ZBTB20: variants seen among roughly 807,000 people sequenced by gnomAD.
ZBTB20 encodes the protein zinc finger and BTB domain containing 20.
Under a neutral mutation model 56.9 loss-of-function variants are expected in ZBTB20, and 9 were observed. The observed-to-expected ratio is 0.16, with a 90% confidence interval of 0.10 to 0.28. The LOEUF (loss-of-function observed/expected upper bound fraction) is 0.28. Ranked by LOEUF, ZBTB20 falls within the 10% of genes least tolerant of loss-of-function variation. The pLI is 1.00. For synonymous variants in ZBTB20, 417 were observed against 420.7 expected (o/e 0.99, Z 0.11); for missense variants, 655 against 1,003.0 (o/e 0.65, Z 4.69).
intron 2 of ZBTB20, among the ~76,000 whole-genome samples, chr3:114,989,178 T>C (rs1333376290): frequency 1.3e-5 from 2 of 152,210 alleles, no homozygotes; most frequent in South Asian, 4.1e-4. Context: ...TCCTTGCCCA[T>C]GCCTATGTCC....
intron 3 of ZBTB20, among the ~76,000 whole-genome samples, chr3:114,950,817 T>C: frequency 6.6e-6 from 1 of 152,128 alleles, no homozygotes; most frequent in East Asian, 1.9e-4. Flanking sequence ...AGAATTGTGA[T>C]TATATTAATA....
At chr3:114,901,581 T>C (rs944407991) in intron 3 of ZBTB20, among the ~76,000 whole-genome samples, 5 of 152,104 alleles carry the variant, frequency 3.3e-5, no homozygotes, top group Non-Finnish European at 7.4e-5. Context: ...CAGAAATTTA[T>C]GTAAAAAAGA....
At chr3:114,686,951 C>T (rs1162791862) in intron 6 of ZBTB20, among the ~76,000 whole-genome samples, 2 of 151,934 alleles carry the variant, frequency 1.3e-5, no homozygotes, top group Admixed American at 1.3e-4. Flanking sequence ...ACAGCAATAA[C>T]AACAACAACA....
At chr3:115,053,815 T>G (rs1423046227) in intron 2 of ZBTB20, among the ~76,000 whole-genome samples, 8 of 152,068 alleles carry the variant, frequency 5.3e-5, no homozygotes, top group Admixed American at 5.2e-4. Context: ...GATGATAATA[T>G]CCAGAAAAAT....
At chr3:114,921,305 T>C (rs1342265868) in intron 3 of ZBTB20, among the ~76,000 whole-genome samples, 1 of 152,106 alleles carries the variant, frequency 6.6e-6, no homozygotes, top group African/African-American at 2.4e-5. Flanking sequence ...GTATTTTTAG[T>C]AGAGATGGGG....
intron 10 of ZBTB20, among the ~76,000 whole-genome samples, chr3:114,369,231 G>A (rs931505081): frequency 6.6e-6 from 1 of 152,180 alleles, no homozygotes; most frequent in African/African-American, 2.4e-5. Context: ...TATTCTACAT[G>A]CCACACCAAG....
chr3:114,660,276 T>C (rs1487649093), intron 6 of ZBTB20, among the ~76,000 whole-genome samples: 3 of 152,196 alleles, frequency 2.0e-5, no homozygotes, highest in Admixed American at 1.3e-4. Flanking sequence ...TGGAGAAGGA[T>C]ACAGTGCATT....
intron 7 of ZBTB20, among the ~76,000 whole-genome samples, chr3:114,438,830 T>C (rs553313831): frequency 1.3e-5 from 2 of 152,232 alleles, no homozygotes; most frequent in East Asian, 3.9e-4. Context: ...CGTCCAAACA[T>C]GGGACCTTGT....
intron 1 of ZBTB20, among the ~76,000 whole-genome samples, chr3:115,121,089 C>T (rs1251346372): frequency 6.6e-6 from 1 of 151,972 alleles, no homozygotes; most frequent in Non-Finnish European, 1.5e-5. Context: ...CCTGGACTGA[C>T]CACACTAAAT....
intron 5 of ZBTB20, among the ~76,000 whole-genome samples, chr3:114,711,551 G>A (rs1048488061): frequency 1.5e-4 from 23 of 152,166 alleles, no homozygotes; most frequent in African/African-American, 5.3e-4. Context: ...AACTTCTTGG[G>A]AGGAGTAAGT....
chr3:115,089,923 T>A (rs2083126009), intron 1 of ZBTB20, among the ~76,000 whole-genome samples: 1 of 151,802 alleles, frequency 6.6e-6, no homozygotes, highest in Non-Finnish European at 1.5e-5. Flanking sequence ...AAGATTATGT[T>A]TAGTTAAGGA....
chr3:115,001,915 G>A (rs1286450429), intron 2 of ZBTB20, among the ~76,000 whole-genome samples: 1 of 151,360 alleles, frequency 6.6e-6, no homozygotes, highest in Non-Finnish European at 1.5e-5. Flanking sequence ...TTTATATGGA[G>A]AGGCAAAAGA....
At chr3:114,891,327 G>T (rs958943231) in intron 4 of ZBTB20, among the ~76,000 whole-genome samples, 2 of 152,084 alleles carry the variant, frequency 1.3e-5, no homozygotes, top group African/African-American at 4.8e-5. Flanking sequence ...ACCAAATCCA[G>T]GTCTAAGCAT....
At chr3:114,728,422 T>C (rs144034232) in intron 5 of ZBTB20, among the ~76,000 whole-genome samples, 20 of 152,314 alleles carry the variant, frequency 1.3e-4, no homozygotes, top group African/African-American at 4.8e-4. Context: ...GGTCAAACTG[T>C]GCAGACCTGG....
intron 4 of ZBTB20, among the ~76,000 whole-genome samples, chr3:114,831,012 T>C (rs1441813939): frequency 2.0e-5 from 3 of 151,658 alleles, no homozygotes; most frequent in Non-Finnish European, 4.4e-5. Flanking sequence ...GATCTAACTT[T>C]GCTCTACAGT....
chr3:114,807,432 C>A (rs943355058), intron 4 of ZBTB20, among the ~76,000 whole-genome samples: 1 of 151,890 alleles, frequency 6.6e-6, no homozygotes, highest in Non-Finnish European at 1.5e-5. Flanking sequence ...TTCCCCTCCC[C>A]CTCCCCTGCA....
At chr3:114,383,037 A>C (rs1175092702) in intron 8 of ZBTB20, among the ~76,000 whole-genome samples, 1 of 152,232 alleles carries the variant, frequency 6.6e-6, no homozygotes, top group African/African-American at 2.4e-5. Flanking sequence ...CTGAAATTAA[A>C]GTGTATTTTA....
At chr3:114,371,154 C>T (rs2082957362) in intron 10 of ZBTB20, among the ~76,000 whole-genome samples, 1 of 152,192 alleles carries the variant, frequency 6.6e-6, no homozygotes, top group Non-Finnish European at 1.5e-5. Context: ...AGGTGCAAAC[C>T]CCTCATACCT....
rs1369962634 is a variant in ZBTB20, at chr3:114,321,735, G to A, written c.*17270C>T. 1 of 152,188 alleles carries A rather than the reference G, an allele frequency of 6.6e-6. No homozygotes were observed. Among genetic ancestry groups the A allele is most frequent in the Non-Finnish European group, 1.5e-5 (1 of 68,028 alleles). 9.4% of individuals were successfully genotyped at this position (152,188 alleles called of 1,614,324 possible). A position where few individuals can be genotyped will look rare whatever the true frequency, so the allele number is the denominator to read the frequency against. ...TTTTGGTTTCTTTTAACTTTGAGCT[G>A]TCCTTGGTTTTTCTCTCAGTCAGTT... is the stretch of plus-strand genomic sequence containing the variant. On this transcript the variant is annotated 3_prime_UTR_variant, in exon 12 of 12. Coordinates refer to ENST00000675478, the MANE Select transcript of ZBTB20 (RefSeq NM_001348800.3).
Sources: gnomAD v4.1 joint callset for allele counts (sites outside exome capture counted in the v4.1 genomes callset) on GRCh38, gnomAD v4.1.1 for gene constraint, MANE v1.5 for transcripts, NCBI Gene and HGNC (gene_info 2026-07-23, HGNC 2026-07-21) for gene names.